The following KIF4A variants were observed in gnomAD, a reference collection of about 807,000 sequenced individuals.
KIF4A encodes the protein chromosome-associated kinesin KIF4A.
In KIF4A, 7 loss-of-function variants were observed where a neutral mutation model predicts 105.9. The observed-to-expected ratio is 0.07, with a 90% CI of 0.04 to 0.12. KIF4A has a LOEUF of 0.12. Ranked by LOEUF, KIF4A falls within the 10% of genes least tolerant of loss-of-function variation. The pLI is 1.00. For synonymous variants in KIF4A, 281 were observed against 331.3 expected (o/e 0.85, Z 1.65); for missense variants, 558 against 929.2 (o/e 0.60, Z 5.19).
chrX:70,396,220 A>G, intron 22 of KIF4A, 171 bp downstream of exon 22: 2 of 395,519 alleles, frequency 5.1e-6, no homozygotes, highest in Non-Finnish European at 8.7e-6. Context: ...TTCTTATTCA[A>G]TCCCTTTGAT....
At chrX:70,334,925 A>G (rs1319848969) in intron 10 of KIF4A, among the ~76,000 whole-genome samples, 1 of 111,723 alleles carries the variant, frequency 9.0e-6, no homozygotes, top group Non-Finnish European at 1.9e-5. Context: ...AGAAATTGGA[A>G]CCCTTGTACA....
intron 18 of KIF4A, among the ~76,000 whole-genome samples, chrX:70,385,542 T>C (rs751458536): frequency 8.9e-6 from 1 of 112,493 alleles, no homozygotes; most frequent in East Asian, 2.8e-4. Flanking sequence ...AACCATGTCA[T>C]GTTTATCTCT....
chrX:70,396,930 G>A (rs2086261624), intron 22 of KIF4A, among the ~76,000 whole-genome samples: 1 of 110,894 alleles, frequency 9.0e-6, no homozygotes, highest in Non-Finnish European at 1.9e-5. Flanking sequence ...GAAATTAGGT[G>A]GGCATGGTGG....
chrX:70,396,780 GC>G (rs1484726072), intron 22 of KIF4A, among the ~76,000 whole-genome samples: 12 of 112,464 alleles, frequency 1.1e-4, no homozygotes, highest in Non-Finnish European at 3.8e-5. Context: ...TATTAGAAGT[GC>G]TCAATGGGCC....
Position 70,327,811 on chromosome X carries a change from A to G in KIF4A, c.779-1594A>G, listed in dbSNP as rs773893600. 1.2e-4 allele frequency among the ~76,000 whole-genome samples: 13 copies of G among 112,047 alleles called. No individual in the cohort carries two copies. In the East Asian group the frequency reaches 3.4e-3, roughly 29 times the overall value. On this transcript the variant is annotated intron_variant, in intron 7 of 30. Coordinates refer to ENST00000374403, the MANE Select transcript of KIF4A (RefSeq NM_012310.5). ...CTTCAGTATTGTAGCCTACAAATAA[A>G]CATACACGCACACAGTTGGTTTAAC...
chrX:70,394,093 TG>T (rs771711667), intron 20 of KIF4A, among the ~76,000 whole-genome samples: 1 of 108,290 alleles, frequency 9.2e-6, no homozygotes, highest in Non-Finnish European at 1.9e-5. Flanking sequence ...CTCAAACTCC[TG>T]GGGTCAAGTG....
At chrX:70,373,757 T>TACGTATATATAC (rs2086161794) in intron 15 of KIF4A, among the ~76,000 whole-genome samples, 1 of 73,209 alleles carries the variant, frequency 1.4e-5, no homozygotes, top group Non-Finnish European at 2.5e-5. Flanking sequence ...CGTGTATATA[T>TACGTATATATAC]ATATATACGT....
chrX:70,305,789 C>T (rs1039594454), intron 7 of KIF4A, among the ~76,000 whole-genome samples: 19 of 111,923 alleles, frequency 1.7e-4, no homozygotes, highest in African/African-American at 4.9e-4. Context: ...TTCAAAGCAA[C>T]GACATCATTT....
intron 20 of KIF4A, among the ~76,000 whole-genome samples, chrX:70,387,980 T>C (rs897841500): frequency 4.5e-5 from 5 of 111,423 alleles, no homozygotes; most frequent in African/African-American, 1.6e-4. Context: ...TTTCTTTGTA[T>C]CCCTCTGTAA....
At chrX:70,366,280 A>C (rs1199400) in intron 15 of KIF4A, among the ~76,000 whole-genome samples, 1 of 109,190 alleles carries the variant, frequency 9.2e-6, no homozygotes, top group Non-Finnish European at 1.9e-5. Flanking sequence ...GTTATTTCTT[A>C]CCTTCTGCTA....
chrX:70,390,454 G>A (rs1052801801), intron 20 of KIF4A, among the ~76,000 whole-genome samples: 2 of 111,397 alleles, frequency 1.8e-5, no homozygotes, highest in Non-Finnish European at 3.8e-5. Flanking sequence ...CTTTTATCAG[G>A]TTGAAGAAGT....
rs190410475 is a variant in KIF4A at position 70,338,206 on chromosome X, C to T, written c.1134-3593C>T. ...ATTCAGTCATTTTATGTGTACCATTCAATGATTTTTAGTAAATTTACAGAG... is the reference window on the plus strand; with the variant it reads ...ATTCAGTCATTTTATGTGTACCATTTAATGATTTTTAGTAAATTTACAGAG... On this transcript the variant is annotated intron_variant, in intron 10 of 30. Transcript: ENST00000374403. Among the ~76,000 whole-genome samples the T allele has an allele frequency of 3.9e-3, 434 of 111,308 alleles. 3 individuals carry two copies. Among genetic ancestry groups the T allele is most frequent in the African/African-American group, 0.012 (382 of 30,622 alleles).
At chrX:70,367,308 T>G (rs2086108670) in intron 15 of KIF4A, among the ~76,000 whole-genome samples, 1 of 111,475 alleles carries the variant, frequency 9.0e-6, no homozygotes. Context: ...GTTAGCTGGT[T>G]ATTTTGCTCG....
At chrX:70,310,683 C>G (rs761816229) in intron 7 of KIF4A, among the ~76,000 whole-genome samples, 7 of 110,946 alleles carry the variant, frequency 6.3e-5, no homozygotes, top group Non-Finnish European at 9.4e-5. Context: ...CATTTTACAC[C>G]CCAGCAGTGT....
intron 11 of KIF4A, among the ~76,000 whole-genome samples, chrX:70,343,093 G>C (rs2085978356): frequency 1.8e-5 from 2 of 111,418 alleles, no homozygotes; most frequent in Non-Finnish European, 3.8e-5. Context: ...GCCTTCTGCT[G>C]TTTCTTCTTT....
intron 22 of KIF4A, among the ~76,000 whole-genome samples, chrX:70,401,033 C>T (rs1362418158): frequency 1.9e-5 from 2 of 107,540 alleles, no homozygotes; most frequent in Admixed American, 1.0e-4. Context: ...TCCCAAAGTG[C>T]TGGGATTACG....
intron 18 of KIF4A, among the ~76,000 whole-genome samples, chrX:70,382,167 C>T (rs1324578410): frequency 1.8e-5 from 2 of 112,640 alleles, no homozygotes; most frequent in Non-Finnish European, 1.9e-5. Flanking sequence ...CAGTGGCTCA[C>T]GCCTGTAGTC....
intron 7 of KIF4A, among the ~76,000 whole-genome samples, chrX:70,327,564 A>G (rs1456079574): frequency 1.8e-5 from 2 of 111,912 alleles, no homozygotes; most frequent in Admixed American, 9.5e-5. Context: ...TTTCATCTCT[A>G]TAAAGTATTT....
In KIF4A at chrX:70,321,936, G is replaced by T. The variant is rs150470182; in HGVS notation, c.779-7469G>T. Among the ~76,000 whole-genome samples the T allele has an allele frequency of 1.8e-3, 202 of 110,574 alleles. 2 individuals carry two copies. Among genetic ancestry groups the T allele is most frequent in the African/African-American group, 6.4e-3 (194 of 30,395 alleles). The stretch of plus-strand genomic sequence containing the variant: ...ATCTCATTCCTCTTGACTCTGTGAT[G>T]CTACCCTCTCCTGATTTTCCTCTCA... On this transcript the variant is annotated intron_variant, in intron 7 of 30. Coordinates refer to ENST00000374403, the MANE Select transcript of KIF4A (RefSeq NM_012310.5).
Sources: gnomAD v4.1 joint callset for allele counts (sites outside exome capture counted in the v4.1 genomes callset) on GRCh38, gnomAD v4.1.1 for gene constraint, MANE v1.5 for transcripts, NCBI Gene and HGNC (gene_info 2026-07-23, HGNC 2026-07-21) for gene names.